Variants in FAM120AOS observed in about 807,000 individuals in gnomAD.
The protein encoded by FAM120AOS is family with sequence similarity 120 member A opposite strand.
A neutral mutation model predicts 20.2 loss-of-function variants in FAM120AOS; 15 were observed. That is an observed-to-expected ratio of 0.74 (90% CI 0.50 to 1.15). The LOEUF is 1.15. Ranked by LOEUF, FAM120AOS falls within the 50% of genes most tolerant of loss-of-function variation. The pLI is 0.00. For synonymous variants in FAM120AOS, 154 were observed against 154.0 expected (o/e 1.00, Z 0.00); for missense variants, 327 against 351.9 (o/e 0.93, Z 0.57).
chr9:93,452,693 T>C lies in FAM120AOS; in HGVS notation c.17A>G (p.Asp6Gly), dbSNP rs1283041332. 1 of 1,598,552 alleles carries C rather than the reference T, an allele frequency of 6.3e-7. No homozygotes were observed. The highest frequency in any genetic ancestry group is 8.5e-7 in the Non-Finnish European group (1 of 1,179,886). MGKTK[D>G]IGDDDTVASE... ...GGCGACAGTGTCATCATCCCCAATA[T>C]CCTTAGTTTTTCCCATCCTATTTGA... The change falls in exon 1 of 3, where the codon GAT (aspartate) becomes GGT (glycine). Residue 6 changes from aspartate to glycine, a missense_variant. Physicochemically the swap from Asp to Gly is moderately conservative, Grantham distance 94. Around this residue, in one of 3 missense-constraint regions of FAM120AOS, gnomAD observed 155 missense variants for 128.8 expected, o/e 1.20. Coordinates refer to ENST00000375412, the MANE Select transcript of FAM120AOS (RefSeq NM_198841.4). The surrounding 1 kb of genome is among the most constrained non-coding windows in gnomAD (Gnocchi z 7.0).
rs372881078 is a variant in FAM120AOS at position 93,450,620 on chromosome 9, G to C, written c.564-21C>G. ...GGTTTCTCCAAAAAAAGAACAAATG[G>C]AGAGATGAAGGTAAGTAAAAGCGGC... On this transcript the variant is annotated intron_variant, in intron 1 of 2. Coordinates refer to ENST00000375412, the MANE Select transcript of FAM120AOS (RefSeq NM_198841.4). The C allele has an allele frequency of 1.4e-5, 22 of 1,606,898 alleles. No homozygotes were observed. In the African/African-American group the frequency reaches 2.3e-4, roughly 17 times the overall value.
Position 93,445,456 on chromosome 9 carries a change from T to G in FAM120AOS, c.*2155A>C, listed in dbSNP as rs1856814595. ...TTCATGACTTTGAATCTTGAGCAAA[T>G]GACTACAGTAAGAGTGGGGTTCATT... is the stretch of plus-strand genomic sequence containing the variant. On this transcript the variant is annotated 3_prime_UTR_variant, in exon 3 of 3. Transcript: ENST00000375412. Among the ~76,000 whole-genome samples the G allele has an allele frequency of 6.6e-6, 1 of 152,050 alleles. No individual in the cohort carries two copies. Among genetic ancestry groups the G allele is most frequent in the Admixed American group, 6.6e-5 (1 of 15,252 alleles).
chr9:93,451,654 C>T, intron 1 of FAM120AOS: 8 of 981,862 alleles, frequency 8.1e-6, no homozygotes, highest in Non-Finnish European at 9.7e-6. Context: ...CGCCCGCCCG[C>T]CCCGCCCCGG....
At chr9:93,448,415 C>A in intron 2 of FAM120AOS, 2 of 192,568 alleles carry the variant, frequency 1.0e-5, no homozygotes, top group Non-Finnish European at 2.2e-5. Flanking sequence ...ATCACTTGAA[C>A]CTGGGAGAGG....
In FAM120AOS at chr9:93,444,281, C is replaced by T. The variant is rs1021504572; in HGVS notation, c.*3330G>A. ...TCTTGAACTCCTGACTTCAGGTGAT[C>T]CACCCGTCTTGGCCTCCCAAAGTGC... On this transcript the variant is annotated 3_prime_UTR_variant, in exon 3 of 3. Transcript: ENST00000375412. 2.6e-5 allele frequency among the ~76,000 whole-genome samples: 4 copies of T among 152,104 alleles called. No homozygotes were observed. The highest frequency in any genetic ancestry group is 4.8e-5 in the African/African-American group (2 of 41,404).
Position 93,445,583 on chromosome 9 carries a change from G to GTTTTTTT in FAM120AOS, c.*2021_*2027dup, listed in dbSNP as rs71364380. ...TTCTCCAACTTTCATAAAAATCGTT[G>GTTTTTTT]TTTTTTTTTTTTTTTTTTTTTTTTG... On this transcript the variant is annotated 3_prime_UTR_variant, in exon 3 of 3. Coordinates refer to ENST00000375412, the MANE Select transcript of FAM120AOS (RefSeq NM_198841.4). 1.9e-4 allele frequency among the ~76,000 whole-genome samples: 15 copies of GTTTTTTT among 80,094 alleles called. No homozygotes were observed. The highest frequency in any genetic ancestry group is 4.7e-4 in the South Asian group (1 of 2,124). 52.5% of individuals were successfully genotyped at this position (80,094 alleles called of 152,430 possible). A position where few individuals can be genotyped will look rare whatever the true frequency, so the allele number is the denominator to read the frequency against.
In FAM120AOS at chr9:93,447,532, G is replaced by T. The variant is rs1588738955; in HGVS notation, c.*79C>A. 1.6e-6 allele frequency: 2 copies of T among 1,246,318 alleles called. No homozygotes were observed. The highest frequency in any genetic ancestry group is 2.3e-6 in the Non-Finnish European group (2 of 856,758). The allele number at this position is 1,246,318 out of a possible 1,614,324, so 77.2% of individuals were successfully genotyped here. On this transcript the variant is annotated 3_prime_UTR_variant, in exon 3 of 3. Coordinates refer to ENST00000375412, the MANE Select transcript of FAM120AOS (RefSeq NM_198841.4). ...AGCAGAAGCTGAGGAATGGTGAATA[G>T]AGCATTTTCCCTCACACGATGGGTA...
Position 93,452,860 on chromosome 9 carries a change from G to A in FAM120AOS, c.-151C>T. The A allele has an allele frequency of 6.8e-7, 1 of 1,480,654 alleles. No homozygotes were observed. The highest frequency in any genetic ancestry group is 8.9e-7 in the Non-Finnish European group (1 of 1,124,754). The allele number at this position is 1,480,654 out of a possible 1,614,324, so 91.7% of individuals were successfully genotyped here. ...GGGGGTTTCGCCAGAGCCCTTGGGG[G>A]CTGCAAATATCAGTGCTGCTGCCGC... On this transcript the variant is annotated 5_prime_UTR_variant, in exon 1 of 3. Coordinates refer to ENST00000375412, the MANE Select transcript of FAM120AOS (RefSeq NM_198841.4). The surrounding 1 kb of genome is among the most constrained non-coding windows in gnomAD (Gnocchi z 7.0).
rs1230245719 is a variant in FAM120AOS at position 93,450,952 on chromosome 9, C to G, written c.564-353G>C. 2.2e-6 allele frequency: 3 copies of G among 1,391,982 alleles called. No homozygotes were observed. The African/African-American group carries it at 4.3e-5, about 20-fold the overall frequency. 86.2% of individuals were successfully genotyped at this position (1,391,982 alleles called of 1,614,324 possible). On this transcript the variant is annotated intron_variant, in intron 1 of 2. Coordinates refer to ENST00000375412, the MANE Select transcript of FAM120AOS (RefSeq NM_198841.4). ...TCCCACGCTGCAACAGACCTGTGCT[C>G]TCAAGACAGTCTCTTCCGTGACGAG...
rs1432024894 is a variant in FAM120AOS, at chr9:93,443,797, C to T, written c.*3814G>A. Among the ~76,000 whole-genome samples the T allele has an allele frequency of 6.6e-6, 1 of 152,178 alleles. No individual in the cohort carries two copies. The highest frequency in any genetic ancestry group is 1.5e-5 in the Non-Finnish European group (1 of 68,030). ...GTCTTTGCTCTTCAGGATTTCCCCC[C>T]AGACTCCCTGGCACCCAGGGGGCCC... is the stretch of plus-strand genomic sequence containing the variant. On this transcript the variant is annotated 3_prime_UTR_variant, in exon 3 of 3. Transcript: ENST00000375412.
intron 2 of FAM120AOS, among the ~76,000 whole-genome samples, chr9:93,449,926 C>CA (rs1857030934): frequency 6.6e-6 from 1 of 152,154 alleles, no homozygotes; most frequent in African/African-American, 2.4e-5. Context: ...GTTATAAAAG[C>CA]AAATTTGGAT....
chr9:93,451,917 T>G, intron 1 of FAM120AOS: 1 of 1,312,772 alleles, frequency 7.6e-7, no homozygotes, highest in Non-Finnish European at 9.7e-7. Context: ...GCCGCCGCCA[T>G]GGGCGTGCAG....
chr9:93,451,889 A>ACCCGCG (rs1169884209), intron 1 of FAM120AOS: 83 of 1,129,454 alleles, frequency 7.3e-5, no homozygotes, highest in Middle Eastern at 3.4e-4. Context: ...CCCCGCCCGC[A>ACCCGCG]CCCGCGCCCG....
At chr9:93,451,122 C>T in intron 1 of FAM120AOS, 1 of 1,550,626 alleles carries the variant, frequency 6.4e-7, no homozygotes. Context: ...CTCCTTCCTG[C>T]TCTTTCCAAG....
chr9:93,448,744 A>T (rs1856955135), intron 2 of FAM120AOS, among the ~76,000 whole-genome samples: 1 of 151,900 alleles, frequency 6.6e-6, no homozygotes, highest in Non-Finnish European at 1.5e-5. Flanking sequence ...CAGCCTCCTG[A>T]GTAGCTGGGA....
At chr9:93,450,362 C>T (rs1588747931) in intron 2 of FAM120AOS, 117 bp downstream of exon 2, 4 of 1,440,902 alleles carry the variant, frequency 2.8e-6, no homozygotes, top group African/African-American at 1.4e-5. Context: ...CATAACTTGT[C>T]AGCCTGCTTT....
In FAM120AOS at chr9:93,452,979, T is replaced by G; in HGVS notation, c.-270A>C. The G allele has an allele frequency of 7.5e-7, 1 of 1,339,722 alleles. No individual in the cohort carries two copies. The allele number at this position is 1,339,722 out of a possible 1,614,324, so 83.0% of individuals were successfully genotyped here. On this transcript the variant is annotated 5_prime_UTR_variant, in exon 1 of 3. Transcript: ENST00000375412. This position sits in a 1 kb window ranked among gnomAD's most constrained non-coding sequence, Gnocchi z 7.0. The stretch of plus-strand genomic sequence containing the variant: ...TTCAGAACGCAGTGCCCTGTCCGTG[T>G]TCCTCTTAGTACAGGGTGTTTAGAG...
Position 93,453,550 on chromosome 9 carries a change from C to G in FAM120AOS, c.-841G>C. 1.0e-6 allele frequency: 1 copy of G among 985,440 alleles called. No homozygotes were observed. The highest frequency in any genetic ancestry group is 1.2e-6 in the Non-Finnish European group (1 of 829,950). 61.0% of individuals were successfully genotyped at this position (985,440 alleles called of 1,614,324 possible). A position where few individuals can be genotyped will look rare whatever the true frequency, so the allele number is the denominator to read the frequency against. ...AATTCTGTCTTCGCGGTTGCCCCCA[C>G]TGCCCGCGAGGAGATGGTGGTAGTT... On this transcript the variant is annotated 5_prime_UTR_variant, in exon 1 of 3. Transcript: ENST00000375412.
At chr9:93,449,699 G>C (rs1857009816) in intron 2 of FAM120AOS, among the ~76,000 whole-genome samples, 1 of 151,942 alleles carries the variant, frequency 6.6e-6, no homozygotes, top group South Asian at 2.1e-4. Flanking sequence ...TGTTGGCTAG[G>C]ATGGTCTCCA....
Sources: allele counts gnomAD v4.1 joint callset (sites outside exome capture counted in the v4.1 genomes callset), GRCh38; gene constraint gnomAD v4.1.1; regional missense constraint gnomAD v4.1.1; non-coding constraint Gnocchi (gnomAD v3.1); transcripts MANE v1.5; gene names NCBI Gene and HGNC (gene_info 2026-07-23, HGNC 2026-07-21).